The following ZNF611 variants were observed in gnomAD, a reference collection of about 807,000 sequenced individuals.
ZNF611 encodes the protein zinc finger protein 611.
A neutral mutation model predicts 8.9 loss-of-function variants in ZNF611; 6 were observed. The ratio of observed to expected loss-of-function variants is 0.68; its 90% CI spans 0.37 to 1.34. ZNF611 has a LOEUF of 1.34. Among genes scored for constraint, ZNF611 ranks in the 40% most tolerant of loss-of-function variants. The pLI is 0.02. For missense variants in ZNF611, 874 were observed against 841.3 expected (o/e 1.04, Z -0.48); for synonymous variants, 262 against 279.7 (o/e 0.94, Z 0.63).
At chr19:52,733,616 C>G (rs968037081) in intron 1 of ZNF611, among the ~76,000 whole-genome samples, 13 of 152,128 alleles carry the variant, frequency 8.5e-5, no homozygotes, top group Admixed American at 4.6e-4. Flanking sequence ...GACCCTCTTT[C>G]TTCATTACTG....
At chr19:52,734,653 G>A (rs2062446674) in intron 1 of ZNF611, among the ~76,000 whole-genome samples, 1 of 152,208 alleles carries the variant, frequency 6.6e-6, no homozygotes, top group Non-Finnish European at 1.5e-5. Flanking sequence ...TCCCGGGGCT[G>A]AGGAGGGGGA....
In ZNF611 at chr19:52,703,389, C is replaced by T. The variant is rs1420145941; in HGVS notation, c.*1548G>A. On this transcript the variant is annotated 3_prime_UTR_variant, in exon 6 of 6. Transcript: ENST00000652185. Reference sequence around the variant, plus strand: ...TTCTACCTCCTAGGTTTAAGCAATTCTCATGCCCCAGCCTCCCAAGTAGCT... The same window carrying T: ...TTCTACCTCCTAGGTTTAAGCAATTTTCATGCCCCAGCCTCCCAAGTAGCT... 2 of 152,184 alleles carry T rather than the reference C, an allele frequency of 1.3e-5. No homozygotes were observed. The highest frequency in any genetic ancestry group is 4.8e-5 in the African/African-American group (2 of 41,508). The allele number at this position is 152,184 out of a possible 1,614,324, so 9.4% of individuals were successfully genotyped here.
intron 3 of ZNF611, among the ~76,000 whole-genome samples, chr19:52,725,029 T>C (rs1294004354): frequency 4.6e-5 from 7 of 152,344 alleles, no homozygotes; most frequent in African/African-American, 1.7e-4. Context: ...TCTGGTTTTC[T>C]ACTGCTCTCT....
Position 52,704,651 on chromosome 19 carries a change from T to C in ZNF611, c.*286A>G. The stretch of plus-strand genomic sequence containing the variant: ...ATTCTCCAATGATTTGTAATCGTTG[T>C]AGCATTACTGAAGACTTTGTGACAA... On this transcript the variant is annotated 3_prime_UTR_variant, in exon 6 of 6. Coordinates refer to ENST00000652185, the MANE Select transcript of ZNF611 (RefSeq NM_001161499.2). The C allele has an allele frequency of 6.3e-7, 1 of 1,589,744 alleles. No homozygotes were observed. Among genetic ancestry groups the C allele is most frequent in the South Asian group, 1.1e-5 (1 of 90,302 alleles).
At chr19:52,709,347 A>T (rs559824690) in intron 5 of ZNF611, among the ~76,000 whole-genome samples, 27 of 152,080 alleles carry the variant, frequency 1.8e-4, no homozygotes, top group African/African-American at 6.5e-4. Flanking sequence ...ATCTTGGCTC[A>T]CTGCAACCTC....
intron 5 of ZNF611, among the ~76,000 whole-genome samples, chr19:52,712,898 A>G (rs1187570447): frequency 6.6e-6 from 1 of 152,204 alleles, no homozygotes; most frequent in Non-Finnish European, 1.5e-5. Context: ...AGCCTTAAAA[A>G]CAAACTCGGA....
Position 52,705,820 on chromosome 19 carries a change from T to C in ZNF611, c.1235A>G (p.Gln412Arg), listed in dbSNP as rs771001494. ...VCDTAFTWHS[Q>R]LARHRRIHTA... Reference sequence around the variant, plus strand: ...ATGAATTCTTCTATGTCGAGCCAGCTGTGAATGCCACGTGAAAGCTGTGTC... The same window carrying C: ...ATGAATTCTTCTATGTCGAGCCAGCCGTGAATGCCACGTGAAAGCTGTGTC... The change falls in exon 6 of 6, where the codon CAG (glutamine) becomes CGG (arginine). Residue 412 changes from glutamine (Q) to arginine (R), a missense_variant. Gln to Arg is a conservative substitution (Grantham distance 43, BLOSUM62 1). Coordinates refer to ENST00000652185, the MANE Select transcript of ZNF611 (RefSeq NM_001161499.2). 6.2e-7 allele frequency: 1 copy of C among 1,614,068 alleles called. No homozygotes were observed. The highest frequency in any genetic ancestry group is 8.5e-7 in the Non-Finnish European group (1 of 1,180,016).
At chr19:52,712,926 G>A (rs2062290605) in intron 5 of ZNF611, among the ~76,000 whole-genome samples, 1 of 152,198 alleles carries the variant, frequency 6.6e-6, no homozygotes, top group South Asian at 2.1e-4. Context: ...AGGGGCTGTG[G>A]CTCATGCCTG....
chr19:52,723,218 C>T (rs926797801), intron 3 of ZNF611, among the ~76,000 whole-genome samples: 32 of 150,910 alleles, frequency 2.1e-4, no homozygotes, highest in African/African-American at 7.3e-4. Flanking sequence ...GCTTCTCTTC[C>T]ACCTCTTCTG....
chr19:52,713,965 C>T (rs1243097962), intron 5 of ZNF611, 50 bp downstream of exon 5: 9 of 1,607,860 alleles, frequency 5.6e-6, no homozygotes, highest in Non-Finnish European at 5.1e-6. Flanking sequence ...CAGGATGAGC[C>T]AAGATAGACA....
chr19:52,721,329 C>T (rs559700153), intron 3 of ZNF611: 93 of 181,796 alleles, frequency 5.1e-4, no homozygotes, highest in African/African-American at 2.1e-3. Context: ...CCAAGGCAGG[C>T]GGCTGGGAGG....
At chr19:52,718,187 A>C (rs1326693769) in intron 3 of ZNF611, among the ~76,000 whole-genome samples, 1 of 152,036 alleles carries the variant, frequency 6.6e-6, no homozygotes, top group Admixed American at 6.6e-5. Flanking sequence ...TAAAAATACA[A>C]AAATTAGCAG....
chr19:52,706,760 C>T lies in ZNF611; in HGVS notation c.295G>A (p.Gly99Arg), dbSNP rs755303872. ...TCAATTTCCTGGAAGCAAAAATCTC[C>T]AATGTGATGACTTTCATGTCTTTGC... ...TLQRHESHHI[G>R]DFCFQEIEKE... The change falls in exon 6 of 6, where the codon GGA becomes AGA. Residue 99 changes from glycine (G) to arginine (R), a missense_variant. Transcript: ENST00000652185. 3 of 1,614,098 alleles carry T rather than the reference C, an allele frequency of 1.9e-6. 1 individual carries two copies. Among genetic ancestry groups the T allele is most frequent in the Non-Finnish European group, 2.5e-6 (3 of 1,180,012 alleles).
chr19:52,716,492 C>T (rs1301477763), intron 3 of ZNF611, among the ~76,000 whole-genome samples: 1 of 152,200 alleles, frequency 6.6e-6, no homozygotes. Context: ...GCTCTGCCCT[C>T]CCCTTGGGGC....
Position 52,705,780 on chromosome 19 carries a change from A to G in ZNF611, c.1275T>C (p.Thr425=). The G allele has an allele frequency of 6.2e-7, 1 of 1,613,984 alleles. No individual in the cohort carries two copies. The highest frequency in any genetic ancestry group is 8.5e-7 in the Non-Finnish European group (1 of 1,179,970). The change falls in exon 6 of 6, where the codon ACT becomes ACC. Residue 425 remains threonine, a synonymous_variant. Coordinates refer to ENST00000652185, the MANE Select transcript of ZNF611 (RefSeq NM_001161499.2). ...TCTTGCCACACTCATTACATTTATA[A>G]GTTTTCTTTGCAGTATGAATTCTTC... ...RHRRIHTAKK[T]YKCNECGKTF...
At chr19:52,708,846 TAAAC>T (rs931572059) in intron 5 of ZNF611, 3 of 151,748 alleles carry the variant, frequency 2.0e-5, no homozygotes, top group South Asian at 2.1e-4. Context: ...CAAAAAAAAA[TAAAC>T]AAAGGAAGAA....
intron 5 of ZNF611, among the ~76,000 whole-genome samples, chr19:52,713,754 G>A (rs2062295739): frequency 6.6e-6 from 1 of 152,076 alleles, no homozygotes. Context: ...AGCTGGGTGT[G>A]GTCTCGCATG....
Position 52,704,123 on chromosome 19 carries a change from C to A in ZNF611, c.*814G>T, listed in dbSNP as rs1334545176. On this transcript the variant is annotated 3_prime_UTR_variant, in exon 6 of 6. Transcript: ENST00000652185. Reference sequence around the variant, plus strand: ...TGCTGGGATTACAGGTCGGAGCCACCACACCTGGCCCCATCCTCTTAACAT... The same window carrying A: ...TGCTGGGATTACAGGTCGGAGCCACAACACCTGGCCCCATCCTCTTAACAT... The A allele has an allele frequency of 6.4e-6, 2 of 312,002 alleles. No individual in the cohort carries two copies. Among genetic ancestry groups the A allele is most frequent in the South Asian group, 2.8e-5 (1 of 35,244 alleles). 19.3% of individuals were successfully genotyped at this position (312,002 alleles called of 1,614,324 possible). A position where few individuals can be genotyped will look rare whatever the true frequency, so the allele number is the denominator to read the frequency against.
At chr19:52,726,945 A>G (rs191418741) in intron 3 of ZNF611, among the ~76,000 whole-genome samples, 146 of 152,144 alleles carry the variant, frequency 9.6e-4, no homozygotes, top group African/African-American at 3.4e-3. Flanking sequence ...GGCCCACTGC[A>G]GCCTCTGCCT....
Sources: allele counts gnomAD v4.1 joint callset (sites outside exome capture counted in the v4.1 genomes callset), GRCh38; gene constraint gnomAD v4.1.1; transcripts MANE v1.5; gene names NCBI Gene and HGNC (gene_info 2026-07-23, HGNC 2026-07-21).